Variants in SMIM30 observed in about 807,000 individuals in gnomAD.
The protein encoded by SMIM30 is long intergenic non-protein coding RNA 998.
For synonymous variants in SMIM30, 19 were observed against 11.5 expected, an observed-to-expected ratio of 1.65 and a Z score of -1.31; for missense variants, 43 against 27.6, an observed-to-expected ratio of 1.56 and a Z score of -1.25.
intron 1 of SMIM30, 108 bp from the exon 2 acceptor site, chr7:113,118,269 G>C (rs2462665): frequency 0.25 from 103,436 of 419,962 alleles, 15,431 homozygotes; most frequent in African/African-American, 0.48. Context: ...GCAGAGCGTG[G>C]AGGCCATATG....
intron 1 of SMIM30, 115 bp downstream of exon 1, chr7:113,118,413 T>A (rs747357727): frequency 2.4e-5 from 11 of 455,580 alleles, no homozygotes; most frequent in Middle Eastern, 3.8e-4. Flanking sequence ...CAGGACTTGA[T>A]ATTAAGATTT....
At chr7:113,118,033 ACT>A (rs1794715334) in intron 2 of SMIM30, 33 bp downstream of exon 2, 1 of 445,768 alleles carries the variant, frequency 2.2e-6, no homozygotes, top group Non-Finnish European at 4.5e-6. Flanking sequence ...ACAACATATA[ACT>A]CTGCGAAGTT....
rs903210937 is a variant in SMIM30 at position 113,117,404 on chromosome 7, T to A, written c.175A>T (p.Met59Leu). The change falls in exon 3 of 3, where the codon ATG (methionine) becomes TTG (leucine). Residue 59 changes from methionine (M) to leucine (L), a missense_variant. Transcript: ENST00000397764. ...ACTCAGTAGGCCTTTCAAAGTCACA[T>A]CTGTCCATTTCTTTTTCGTGCATAT... ...GVYARKRNGQ[M>L] 1 of 702,804 alleles carries A rather than the reference T, an allele frequency of 1.4e-6. No homozygotes were observed. Among genetic ancestry groups the A allele is most frequent in the Non-Finnish European group, 2.6e-6 (1 of 384,860 alleles). The allele number at this position is 702,804 out of a possible 1,614,324, so 43.5% of individuals were successfully genotyped here. A position where few individuals can be genotyped will look rare whatever the true frequency, so the allele number is the denominator to read the frequency against.
At chr7:113,117,780 G>A (rs979058868) in intron 2 of SMIM30, 173 bp from the exon 3 acceptor site, 1 of 574,692 alleles carries the variant, frequency 1.7e-6, no homozygotes, top group Non-Finnish European at 3.1e-6. Context: ...GTTAAAGACA[G>A]TAATTTGAGG....
rs1420228429 is a variant in SMIM30, at chr7:113,116,869, T to C, written c.*530A>G. ...TTTTAACATTAAATTTTTTTCCGCA[T>C]TTCAGTATTAGATACACTGAATACA... is the stretch of plus-strand genomic sequence containing the variant. On this transcript the variant is annotated 3_prime_UTR_variant, in exon 3 of 3. Transcript: ENST00000397764. 1.3e-5 allele frequency: 2 copies of C among 152,314 alleles called. No homozygotes were observed. The highest frequency in any genetic ancestry group is 2.9e-5 in the Non-Finnish European group (2 of 68,142). The allele number at this position is 152,314 out of a possible 1,614,324, so 9.4% of individuals were successfully genotyped here.
chr7:113,117,997 A>ATT, intron 2 of SMIM30, 71 bp downstream of exon 2: 8 of 399,840 alleles, frequency 2.0e-5, no homozygotes, highest in South Asian at 1.5e-4. Flanking sequence ...CATCCAAGAA[A>ATT]TGCAGACAAA....
In SMIM30 at chr7:113,118,123, C is replaced by T. The variant is rs916771000; in HGVS notation, c.-85G>A. Reference sequence around the variant, plus strand: ...GACTTGAAATTTTCCCTTCCTGGAGCTCCGGATGCTGAGATTAAGAGGTTC... The same window carrying T: ...GACTTGAAATTTTCCCTTCCTGGAGTTCCGGATGCTGAGATTAAGAGGTTC... On this transcript the variant is annotated 5_prime_UTR_variant, in exon 2 of 3. Coordinates refer to ENST00000397764, the MANE Select transcript of SMIM30 (RefSeq NM_001352688.2). 2.2e-6 allele frequency: 1 copy of T among 453,382 alleles called. No individual in the cohort carries two copies. Among genetic ancestry groups the T allele is most frequent in the Non-Finnish European group, 4.4e-6 (1 of 225,978 alleles). 28.1% of individuals were successfully genotyped at this position (453,382 alleles called of 1,614,324 possible).
At chr7:113,117,991 C>T (rs1455611024) in intron 2 of SMIM30, 77 bp downstream of exon 2, 6 of 389,470 alleles carry the variant, frequency 1.5e-5, no homozygotes, top group Non-Finnish European at 3.0e-5. Context: ...CTCTCCCATC[C>T]AAGAAATGCA....
intron 1 of SMIM30, 147 bp downstream of exon 1, chr7:113,118,381 C>T (rs1180357476): frequency 6.6e-6 from 3 of 454,146 alleles, no homozygotes; most frequent in Non-Finnish European, 8.8e-6. Context: ...TAAAAAGAAA[C>T]AGAACAGAGA....
At position 113,116,833 on chromosome 7, in the gene SMIM30, CTA is replaced by C. The variant is rs1416139414; in HGVS notation, c.*564_*565del. ...TTAAATCTCTTTTCCATGTCAATGTCTATAGTTTTTTTTTAACATTAAATTTT... is the reference window on the plus strand; with the variant it reads ...TTAAATCTCTTTTCCATGTCAATGTCTAGTTTTTTTTTAACATTAAATTTT... On this transcript the variant is annotated 3_prime_UTR_variant, in exon 3 of 3. Transcript: ENST00000397764. 3 of 138,984 alleles carry C rather than the reference CTA, an allele frequency of 2.2e-5. No individual in the cohort carries two copies. Among genetic ancestry groups the C allele is most frequent in the Admixed American group, 1.4e-4 (2 of 14,762 alleles). The allele number at this position is 138,984 out of a possible 1,614,324, so 8.6% of individuals were successfully genotyped here.
At chr7:113,117,989 T>A in intron 2 of SMIM30, 79 bp downstream of exon 2, 1 of 389,998 alleles carries the variant, frequency 2.6e-6, no homozygotes, top group Non-Finnish European at 5.0e-6. Flanking sequence ...GTCTCTCCCA[T>A]CCAAGAAATG....
At position 113,118,075 on chromosome 7, in the gene SMIM30, A is replaced by G. The variant is rs767393448; in HGVS notation, c.-37T>C. 8.4e-5 allele frequency: 38 copies of G among 450,356 alleles called. No homozygotes were observed. Among genetic ancestry groups the G allele is most frequent in the South Asian group, 5.5e-4 (35 of 63,758 alleles). 27.9% of individuals were successfully genotyped at this position (450,356 alleles called of 1,614,324 possible). A position where few individuals can be genotyped will look rare whatever the true frequency, so the allele number is the denominator to read the frequency against. On this transcript the variant is annotated 5_prime_UTR_variant, in exon 2 of 3. Coordinates refer to ENST00000397764, the MANE Select transcript of SMIM30 (RefSeq NM_001352688.2). ...GGAATTAATAAGACTTACCAAAGAA[A>G]TGGTATATATAGAATTCTATCTGAC... is the stretch of plus-strand genomic sequence containing the variant.
At position 113,117,460 on chromosome 7, in the gene SMIM30, C is replaced by G. The variant is rs1242997932; in HGVS notation, c.119G>C (p.Ser40Thr). The change falls in exon 3 of 3, where the codon AGC becomes ACC. Residue 40 changes from serine (S) to threonine (T), a missense_variant. Coordinates refer to ENST00000397764, the MANE Select transcript of SMIM30 (RefSeq NM_001352688.2). ...CAAGCAGGCACAAATGCCTGTAATG[C>G]TGAGAACCACACCTAACAAAAGGGC... ...AIALLLGVVL[S>T]ITGICACLGV... is the part of the protein sequence containing the mutation. 2.8e-6 allele frequency: 2 copies of G among 702,856 alleles called. No individual in the cohort carries two copies. Among genetic ancestry groups the G allele is most frequent in the African/African-American group, 3.5e-5 (2 of 57,214 alleles). 43.5% of individuals were successfully genotyped at this position (702,856 alleles called of 1,614,324 possible).
At position 113,117,167 on chromosome 7, in the gene SMIM30, T is replaced by G. The variant is rs1468720949; in HGVS notation, c.*232A>C. 2.1e-6 allele frequency: 1 copy of G among 474,424 alleles called. No homozygotes were observed. Among genetic ancestry groups the G allele is most frequent in the Non-Finnish European group, 3.8e-6 (1 of 261,724 alleles). 29.4% of individuals were successfully genotyped at this position (474,424 alleles called of 1,614,324 possible). On this transcript the variant is annotated 3_prime_UTR_variant, in exon 3 of 3. Transcript: ENST00000397764. ...ATTTCAGCCATCTTACTTCTTTGAC[T>G]ACCTAACTAGCAAATTATAGGCTGC...
At chr7:113,118,326 G>C in intron 1 of SMIM30, 165 bp from the exon 2 acceptor site, 1 of 433,942 alleles carries the variant, frequency 2.3e-6, no homozygotes, top group South Asian at 1.6e-5. Context: ...TGTCCAACAG[G>C]GAACTAGACT....
rs561542686 is a variant in SMIM30, at chr7:113,117,271, A to T, written c.*128T>A. ...ATGTATGTTTGTTGCCATTTCATGGAAACAATGAAAAATGTGAAACTCCCT... is the reference window on the plus strand; with the variant it reads ...ATGTATGTTTGTTGCCATTTCATGGTAACAATGAAAAATGTGAAACTCCCT... On this transcript the variant is annotated 3_prime_UTR_variant, in exon 3 of 3. Coordinates refer to ENST00000397764, the MANE Select transcript of SMIM30 (RefSeq NM_001352688.2). 3.3e-6 allele frequency: 2 copies of T among 601,068 alleles called. No homozygotes were observed. The highest frequency in any genetic ancestry group is 6.0e-6 in the Non-Finnish European group (2 of 335,540). 37.2% of individuals were successfully genotyped at this position (601,068 alleles called of 1,614,324 possible).
chr7:113,117,349 A>C lies in SMIM30; in HGVS notation c.*50T>G, dbSNP rs749399376. On this transcript the variant is annotated 3_prime_UTR_variant, in exon 3 of 3. Coordinates refer to ENST00000397764, the MANE Select transcript of SMIM30 (RefSeq NM_001352688.2). ...ACACCAAATCTCAGGTTTAGCCTCTAAAGCGCAAAGGTTTTCAGGGTGAGG... is the reference window on the plus strand; with the variant it reads ...ACACCAAATCTCAGGTTTAGCCTCTCAAGCGCAAAGGTTTTCAGGGTGAGG... 1 of 700,322 alleles carries C rather than the reference A, an allele frequency of 1.4e-6. No individual in the cohort carries two copies. The highest frequency in any genetic ancestry group is 2.3e-4 in the Middle Eastern group (1 of 4,358). The allele number at this position is 700,322 out of a possible 1,614,324, so 43.4% of individuals were successfully genotyped here.
Position 113,118,529 on chromosome 7 carries a change from T to G in SMIM30, c.-125A>C. 2.2e-6 allele frequency: 1 copy of G among 455,896 alleles called. No individual in the cohort carries two copies. 28.2% of individuals were successfully genotyped at this position (455,896 alleles called of 1,614,324 possible). ...TTTGGAGACGAGTTCGTACATTACC[T>G]TCTAGGAAGCAGCCATTACAGGAAT... On this transcript the variant is annotated splice_region_variant and 5_prime_UTR_variant, in exon 1 of 3. Coordinates refer to ENST00000397764, the MANE Select transcript of SMIM30 (RefSeq NM_001352688.2).
At chr7:113,117,875 A>G (rs1295376479) in intron 2 of SMIM30, 193 bp downstream of exon 2, 1 of 414,568 alleles carries the variant, frequency 2.4e-6, no homozygotes, top group African/African-American at 2.0e-5. Flanking sequence ...CCAAACAAAA[A>G]TTGAACAGGA....
Sources: gnomAD v4.1 joint callset for allele counts on GRCh38, gnomAD v4.1.1 for gene constraint, MANE v1.5 for transcripts, NCBI Gene and HGNC (gene_info 2026-07-23, HGNC 2026-07-21) for gene names.